CCND3: variants seen among roughly 807,000 people sequenced by gnomAD.
CCND3 encodes G1/S-specific cyclin-D3.
Under a neutral mutation model 28.7 loss-of-function variants are expected in CCND3, and 9 were observed. That is an observed-to-expected ratio of 0.31 (90% CI 0.19 to 0.55). The LOEUF is 0.55. CCND3 is among the 20% of genes least tolerant of loss of function. The pLI is 0.93. For synonymous variants in CCND3, 164 were observed against 163.9 expected (o/e 1.00, Z 0.00); for missense variants, 315 against 385.8 (o/e 0.82, Z 1.54).
intron 1 of CCND3, among the ~76,000 whole-genome samples, chr6:42,013,619 A>T (rs533356930): frequency 6.6e-6 from 1 of 152,296 alleles, no homozygotes; most frequent in East Asian, 1.9e-4. Flanking sequence ...GTTTGAGGTG[A>T]TTGCTTTGCA....
At chr6:41,953,175 G>T (rs1371985730) in intron 1 of CCND3, among the ~76,000 whole-genome samples, 1 of 151,218 alleles carries the variant, frequency 6.6e-6, no homozygotes, top group Non-Finnish European at 1.5e-5. Context: ...TGAGGCAGGA[G>T]AATTGCTTGA....
rs1775871028 is a variant in CCND3 at position 41,938,195 on chromosome 6, G to A, written c.415-801C>T. 6.6e-6 allele frequency: 1 copy of A among 152,296 alleles called. No homozygotes were observed. Among genetic ancestry groups the A allele is most frequent in the Non-Finnish European group, 1.5e-5 (1 of 68,110 alleles). The allele number at this position is 152,296 out of a possible 1,614,324, so 9.4% of individuals were successfully genotyped here. On this transcript the variant is annotated intron_variant, in intron 2 of 4. Coordinates refer to ENST00000372991, the MANE Select transcript of CCND3 (RefSeq NM_001760.5). This position sits in a 1 kb window ranked among gnomAD's most constrained non-coding sequence, Gnocchi z 4.6. ...CAGTACTAGGTCTCGGGAGAAGGCT[G>A]GGAGCTCCACCCCAGTCCACTCGTC...
chr6:41,985,308 T>C (rs1762454742), intron 1 of CCND3, among the ~76,000 whole-genome samples: 1 of 127,688 alleles, frequency 7.8e-6, no homozygotes, highest in African/African-American at 3.4e-5. Flanking sequence ...TCAAGTCTTT[T>C]TTTTTTTTTT....
At chr6:42,008,792 G>A (rs1036437159) in intron 1 of CCND3, among the ~76,000 whole-genome samples, 4 of 152,154 alleles carry the variant, frequency 2.6e-5, no homozygotes, top group African/African-American at 9.7e-5. Flanking sequence ...GCAGTTTCAT[G>A]CTACATCATG....
chr6:42,036,399 ATATAT>A (rs1476080686), intron 1 of CCND3, among the ~76,000 whole-genome samples: 37 of 43,820 alleles, frequency 8.4e-4, no homozygotes, highest in African/African-American at 3.3e-3. Flanking sequence ...ATATATATAT[ATATAT>A]TTTTTTTTTT....
At position 41,941,179 on chromosome 6, in the gene CCND3, G is replaced by A. The variant is rs1173403627; in HGVS notation, c.198+273C>T. 1.4e-6 allele frequency: 2 copies of A among 1,448,114 alleles called. No homozygotes were observed. Among genetic ancestry groups the A allele is most frequent in the Admixed American group, 2.8e-5 (1 of 35,660 alleles). The allele number at this position is 1,448,114 out of a possible 1,614,324, so 89.7% of individuals were successfully genotyped here. On this transcript the variant is annotated intron_variant, in intron 1 of 4. Transcript: ENST00000372991. This position sits in a 1 kb window ranked among gnomAD's most constrained non-coding sequence, Gnocchi z 6.1. ...GGGAGACGCTGTGAGAAGCCGAAGG[G>A]GAGAGAGTGTCCTTGGTCCCGTTTG...
intron 1 of CCND3, among the ~76,000 whole-genome samples, chr6:41,996,122 T>A (rs1463457928): frequency 1.8e-5 from 1 of 55,404 alleles, no homozygotes; most frequent in African/African-American, 5.5e-5. Flanking sequence ...TATATATATA[T>A]AATATATATA....
chr6:42,015,976 T>C lies in CCND3; in HGVS notation c.-46+32525A>G, dbSNP rs1404475732. ...TTTTTTGAGATGGAGTCTCACTCTGTTGCCCAGGCTGGAGTGCAGTGGCGT... is the reference window on the plus strand; with the variant it reads ...TTTTTTGAGATGGAGTCTCACTCTGCTGCCCAGGCTGGAGTGCAGTGGCGT... On this transcript the variant is annotated intron_variant, in intron 1 of 4. Coordinates refer to the CCND3 transcript ENST00000372988. Among the ~76,000 whole-genome samples, 6 of 151,556 alleles carry C rather than the reference T, an allele frequency of 4.0e-5. No homozygotes were observed. The South Asian group carries it at 1.2e-3, about 32-fold the overall frequency.
intron 1 of CCND3, among the ~76,000 whole-genome samples, chr6:41,947,177 C>T (rs1324325813): frequency 4.2e-4 from 64 of 151,252 alleles, no homozygotes; most frequent in Non-Finnish European, 1.5e-4. Context: ...GCTGAGATCG[C>T]GCCACTGCAC....
chr6:42,046,725 T>C (rs1157212162), intron 1 of CCND3, among the ~76,000 whole-genome samples: 1 of 152,186 alleles, frequency 6.6e-6, no homozygotes, highest in African/African-American at 2.4e-5. Context: ...ATTCCAGGCC[T>C]GCTGGGCTCA....
At chr6:41,949,117 G>A (rs529507120) in intron 1 of CCND3, among the ~76,000 whole-genome samples, 2 of 152,310 alleles carry the variant, frequency 1.3e-5, no homozygotes, top group East Asian at 1.9e-4. Flanking sequence ...GAGAGGCTAA[G>A]TTGGGAGGAT....
chr6:41,959,679 T>TCCGTCTCAAAAAA (rs772818142), intron 1 of CCND3, among the ~76,000 whole-genome samples: 8 of 147,104 alleles, frequency 5.4e-5, no homozygotes, highest in East Asian at 4.1e-4. Flanking sequence ...ACAGCAAGAC[T>TCCGTCTCAAAAAA]AAATCAGGCC....
At chr6:42,029,218 T>C (rs79986923) in intron 1 of CCND3, among the ~76,000 whole-genome samples, 9,043 of 152,070 alleles carry the variant, frequency 0.059, 419 homozygotes, top group South Asian at 0.19. Flanking sequence ...CTCGAGTTCC[T>C]GGCCTGAAGA....
chr6:41,958,000 C>T (rs145931187), intron 1 of CCND3, among the ~76,000 whole-genome samples: 14 of 127,018 alleles, frequency 1.1e-4, no homozygotes, highest in East Asian at 2.3e-4. Flanking sequence ...TTATCTTTAT[C>T]TTTTTTTTTT....
chr6:41,980,010 T>TCACACACACACACACACACACACA (rs58375638), intron 1 of CCND3, among the ~76,000 whole-genome samples: 6,488 of 136,992 alleles, frequency 0.047, 290 homozygotes, highest in East Asian at 0.095. Context: ...GCTTTCAAAA[T>TCACACACACACACACACACACACA]CACACACACA....
rs2127389376 is a variant in CCND3 at position 41,935,991 on chromosome 6, T to C, written c.828A>G (p.Gln276=). Residue 276 remains glutamine, a synonymous_variant, in exon 5 of 5, where the codon CAA becomes CAG. Coordinates refer to ENST00000372991, the MANE Select transcript of CCND3 (RefSeq NM_001760.5). The part of the protein sequence containing the change: ...APKAPRGSSS[Q]GPSQTSTPTD... ...TAGGAGTGCTGGTCTGGCTGGGCCCTTGGCTGCTGGAGCCCCGGGGGGCTT... is the reference window on the plus strand; with the variant it reads ...TAGGAGTGCTGGTCTGGCTGGGCCCCTGGCTGCTGGAGCCCCGGGGGGCTT... 1.2e-6 allele frequency: 2 copies of C among 1,613,434 alleles called. No homozygotes were observed. The highest frequency in any genetic ancestry group is 1.7e-6 in the Non-Finnish European group (2 of 1,179,808).
At chr6:41,997,405 G>A (rs1762839727) in intron 1 of CCND3, among the ~76,000 whole-genome samples, 1 of 152,152 alleles carries the variant, frequency 6.6e-6, no homozygotes, top group African/African-American at 2.4e-5. Flanking sequence ...GAAGCAGGTG[G>A]CAGAGTGAAG....
chr6:42,016,344 T>C (rs1480995247), intron 1 of CCND3, among the ~76,000 whole-genome samples: 2 of 152,164 alleles, frequency 1.3e-5, no homozygotes, highest in Non-Finnish European at 2.9e-5. Flanking sequence ...TAAAAAGATA[T>C]TATTTTCATC....
At chr6:41,970,929 C>A (rs1426813726) in intron 1 of CCND3, among the ~76,000 whole-genome samples, 1 of 151,368 alleles carries the variant, frequency 6.6e-6, no homozygotes, top group Non-Finnish European at 1.5e-5. Context: ...TTTTTTTTCC[C>A]CCCCTTGAGA....
Sources: gnomAD v4.1 joint callset for allele counts (sites outside exome capture counted in the v4.1 genomes callset) on GRCh38, gnomAD v4.1.1 for gene constraint, Gnocchi (gnomAD v3.1) non-coding constraint, MANE v1.5 for transcripts, NCBI Gene and HGNC (gene_info 2026-07-23, HGNC 2026-07-21) for gene names.